The following WDR73 variants were observed in gnomAD, a reference collection of about 807,000 sequenced individuals.
The protein encoded by WDR73 is WD repeat domain 73.
In WDR73, 30 loss-of-function variants were observed where a neutral mutation model predicts 38.2. That is an observed-to-expected ratio of 0.79 (90% CI 0.59 to 1.06). WDR73 has a LOEUF of 1.06. Ranked by LOEUF, WDR73 falls within the 50% of genes least tolerant of loss-of-function variation. The pLI, the probability that WDR73 is intolerant of heterozygous loss-of-function variation, is 0.00. For missense variants in WDR73, 487 were observed against 467.0 expected (o/e 1.04, Z -0.40); for synonymous variants, 197 against 176.0 (o/e 1.12, Z -0.94).
intron 3 of WDR73, among the ~76,000 whole-genome samples, chr15:84,649,067 T>G (rs1175083691): frequency 2.0e-5 from 3 of 152,218 alleles, no homozygotes; most frequent in African/African-American, 7.2e-5. Context: ...TTTATCACAT[T>G]TAATTCTTAC....
At chr15:84,645,908 G>T in intron 6 of WDR73, 72 bp from the exon 7 acceptor site, 1 of 1,602,514 alleles carries the variant, frequency 6.2e-7, no homozygotes, top group African/African-American at 1.3e-5. Context: ...GGGCTGGCTG[G>T]TCACAGGTCC....
intron 4 of WDR73, 56 bp downstream of exon 4, chr15:84,648,481 T>C (rs1896530658): frequency 7.6e-7 from 1 of 1,317,350 alleles, no homozygotes; most frequent in Non-Finnish European, 1.1e-6. Flanking sequence ...CCCCAGGCAT[T>C]TGCAGCCATC....
At position 84,645,151 on chromosome 15, in the gene WDR73, C is replaced by T. The variant is rs529744693; in HGVS notation, c.883+320G>A. 1.8e-5 allele frequency: 21 copies of T among 1,145,010 alleles called. 1 individual carries two copies. The South Asian group carries it at 2.1e-4, about 11-fold the overall frequency. 70.9% of individuals were successfully genotyped at this position (1,145,010 alleles called of 1,614,324 possible). A position where few individuals can be genotyped will look rare whatever the true frequency, so the allele number is the denominator to read the frequency against. ...ATTTTTAGTAGGGACGGGGTTTCAC[C>T]GTGTTAGCCACTGTCCCCTTTTCTT... On this transcript the variant is annotated intron_variant, in intron 7 of 7. Coordinates refer to ENST00000434634, the MANE Select transcript of WDR73 (RefSeq NM_032856.5).
chr15:84,644,159 G>A (rs1896365341), intron 7 of WDR73: 3 of 160,596 alleles, frequency 1.9e-5, no homozygotes, highest in Admixed American at 1.8e-4. Context: ...TTTTACCCAG[G>A]AAACTGAGGC....
intron 1 of WDR73, chr15:84,653,925 G>C: frequency 1.7e-6 from 1 of 604,160 alleles, no homozygotes. Flanking sequence ...GATTTCCCAA[G>C]GTTGACGTGA....
intron 7 of WDR73, 132 bp from the exon 8 acceptor site, chr15:84,643,855 G>T: frequency 9.1e-7 from 1 of 1,098,956 alleles, no homozygotes; most frequent in Non-Finnish European, 1.2e-6. Context: ...AGCCTCAAGC[G>T]ATCCTCCCAT....
rs370117772 is a variant in WDR73 at position 84,645,764 on chromosome 15, G to A, written c.590C>T (p.Ser197Leu). 12 of 1,612,908 alleles carry A rather than the reference G, an allele frequency of 7.4e-6. No homozygotes were observed. The highest frequency in any genetic ancestry group is 1.0e-5 in the Non-Finnish European group (12 of 1,179,418). The change falls in exon 7 of 8, where the codon TCA becomes TTA. Residue 197 changes from serine (S) to leucine (L), a missense_variant. Ser to Leu is a moderately radical substitution (Grantham distance 145). Coordinates refer to ENST00000434634, the MANE Select transcript of WDR73 (RefSeq NM_032856.5). ...GGTGTCAACAAGCCCCAGCCGGCCTGAAGCACAGCAGAAGGCAAAGGTGTC... is the reference window on the plus strand; with the variant it reads ...GGTGTCAACAAGCCCCAGCCGGCCTAAAGCACAGCAGAAGGCAAAGGTGTC... ...DADTFAFCCA[S>L]GRLGLVDTRQ...
intron 6 of WDR73, 62 bp from the exon 7 acceptor site, chr15:84,645,898 G>A (rs1370468661): frequency 1.2e-6 from 2 of 1,606,638 alleles, no homozygotes; most frequent in African/African-American, 2.7e-5. Context: ...CAATTTGGCA[G>A]GGCTGGCTGG....
intron 3 of WDR73, among the ~76,000 whole-genome samples, chr15:84,652,455 A>G (rs926323959): frequency 1.2e-4 from 18 of 152,148 alleles, no homozygotes; most frequent in African/African-American, 4.1e-4. Context: ...ACCGCCCTCT[A>G]TATCCTTAAT....
chr15:84,653,662 T>G lies in WDR73; in HGVS notation c.79A>C (p.Thr27Pro). 6.3e-7 allele frequency: 1 copy of G among 1,595,986 alleles called. No individual in the cohort carries two copies. The highest frequency in any genetic ancestry group is 8.5e-7 in the Non-Finnish European group (1 of 1,171,024). Residue 27 changes from threonine to proline, a missense_variant, in exon 2 of 8, where the codon ACT becomes CCT. Transcript: ENST00000434634. ...DFYAFDLSGA[T>P]RVLEWIDDKG... ...TCATCAATCCATTCAAGGACTCGAG[T>G]GGCTCCTGACAGGTCGAATGCATAG...
At chr15:84,646,032 T>C (rs764808930) in intron 6 of WDR73, 152 bp downstream of exon 6, 44 of 1,543,402 alleles carry the variant, frequency 2.9e-5, no homozygotes, top group Non-Finnish European at 3.6e-5. Context: ...TGCCCCAGCA[T>C]AGGAGCCCTT....
chr15:84,640,639 T>C lies in WDR73; in HGVS notation c.*2831A>G, dbSNP rs1896229929. ...TGAGCCCAGGAGTTGGAGGCCGCAGTGAGCTGTGATCATGCCACTGCATTC... is the reference window on the plus strand; with the variant it reads ...TGAGCCCAGGAGTTGGAGGCCGCAGCGAGCTGTGATCATGCCACTGCATTC... On this transcript the variant is annotated 3_prime_UTR_variant, in exon 8 of 8. Coordinates refer to ENST00000434634, the MANE Select transcript of WDR73 (RefSeq NM_032856.5). The C allele has an allele frequency of 6.6e-6, 1 of 152,226 alleles. No individual in the cohort carries two copies. The highest frequency in any genetic ancestry group is 1.5e-5 in the Non-Finnish European group (1 of 68,050). The allele number at this position is 152,226 out of a possible 1,614,324, so 9.4% of individuals were successfully genotyped here. A position where few individuals can be genotyped will look rare whatever the true frequency, so the allele number is the denominator to read the frequency against.
At chr15:84,646,114 A>G (rs1220758467) in intron 6 of WDR73, 70 bp downstream of exon 6, 4 of 1,604,748 alleles carry the variant, frequency 2.5e-6, no homozygotes, top group South Asian at 1.1e-5. Flanking sequence ...CTCAGTTTTT[A>G]TAGTGGCTGA....
Position 84,652,742 on chromosome 15 carries a change from G to A in WDR73, c.170C>T (p.Pro57Leu), listed in dbSNP as rs1338657563. ...GTTTTCCTTTACAGAAAGTCTGAGA[G>A]GTAATTTCAGATGAAGAATTTCATT... is the stretch of plus-strand genomic sequence containing the variant. ...KKNEILHLKL[P>L]LRLSVKENKG... Residue 57 changes from proline (P) to leucine (L), a missense_variant, in exon 3 of 8, where the codon CCT (proline) becomes CTT (leucine). Transcript: ENST00000434634. The A allele has an allele frequency of 1.1e-5, 17 of 1,533,742 alleles. No homozygotes were observed. Among genetic ancestry groups the A allele is most frequent in the Non-Finnish European group, 1.4e-5 (16 of 1,137,740 alleles).
In WDR73 at chr15:84,645,595, A is replaced by C. The variant is rs1156562105; in HGVS notation, c.759T>G (p.Leu253=). ...SLGSDGRLCL[L]DPRDLCHPVS... The stretch of plus-strand genomic sequence containing the variant: ...CAGGATGGCAGAGATCCCGGGGGTC[A>C]AGAAGACAAAGACGCCCATCTGAGC... The change falls in exon 7 of 8, where the codon CTT becomes CTG. Residue 253 remains leucine (L), a synonymous_variant. Transcript: ENST00000434634. 6.2e-7 allele frequency: 1 copy of C among 1,610,560 alleles called. No homozygotes were observed. Among genetic ancestry groups the C allele is most frequent in the Non-Finnish European group, 8.5e-7 (1 of 1,178,568 alleles).
In WDR73 at chr15:84,647,882, T is replaced by C. The variant is rs1426033216; in HGVS notation, c.352+8A>G. ...AACCCCAAACCCCATCAAGTCAAAT[T>C]CACTCACCACTGTCCTCTGCAACCT... On this transcript the variant is annotated splice_region_variant and intron_variant, in intron 5 of 7. Transcript: ENST00000434634. The C allele has an allele frequency of 1.1e-5, 18 of 1,613,802 alleles. No homozygotes were observed. The highest frequency in any genetic ancestry group is 1.4e-5 in the Non-Finnish European group (17 of 1,179,812).
chr15:84,649,877 G>T (rs866110795), intron 3 of WDR73, among the ~76,000 whole-genome samples: 6 of 152,156 alleles, frequency 3.9e-5, no homozygotes, highest in Admixed American at 6.5e-5. Context: ...AAAAAGTGCT[G>T]GGATTACAGG....
intron 3 of WDR73, among the ~76,000 whole-genome samples, chr15:84,650,348 C>T (rs1171185033): frequency 6.7e-5 from 8 of 119,084 alleles, no homozygotes; most frequent in African/African-American, 1.6e-4. Context: ...CCACCACACC[C>T]GGCTAATTTT....
At position 84,640,195 on chromosome 15, in the gene WDR73, G is replaced by A. The variant is rs1250962155; in HGVS notation, c.*3275C>T. 2.0e-5 allele frequency: 3 copies of A among 152,254 alleles called. No homozygotes were observed. The highest frequency in any genetic ancestry group is 4.8e-5 in the African/African-American group (2 of 41,456). 9.4% of individuals were successfully genotyped at this position (152,254 alleles called of 1,614,324 possible). ...CAACTCTCCCCCACAATGGACCTCA[G>A]AGCAGTGGGAGCGACGCAGTCCTGT... On this transcript the variant is annotated 3_prime_UTR_variant, in exon 8 of 8. Coordinates refer to ENST00000434634, the MANE Select transcript of WDR73 (RefSeq NM_032856.5).
Sources: gnomAD v4.1 joint callset for allele counts (sites outside exome capture counted in the v4.1 genomes callset) on GRCh38, gnomAD v4.1.1 for gene constraint, MANE v1.5 for transcripts, NCBI Gene and HGNC (gene_info 2026-07-23, HGNC 2026-07-21) for gene names.